The following CTNND2 variants were observed in gnomAD, a reference collection of about 807,000 sequenced individuals.
CTNND2 encodes the protein catenin delta 2, also known as catenin delta-2.
A neutral mutation model predicts 144.4 loss-of-function variants in CTNND2; 22 were observed. The observed-to-expected ratio is 0.15, with a 90% CI of 0.11 to 0.22. The LOEUF (loss-of-function observed/expected upper bound fraction) is 0.22, where lower values mean the gene tolerates loss of function less well. Among genes scored for constraint, CTNND2 ranks in the 10% least tolerant of loss-of-function variants. The pLI is 1.00. For synonymous variants in CTNND2, 751 were observed against 695.6 expected (o/e 1.08, Z -1.25); for missense variants, 1,353 against 1,618.8 (o/e 0.84, Z 2.82).
At chr5:11,004,703 G>A (rs1740296041) in intron 18 of CTNND2, among the ~76,000 whole-genome samples, 2 of 150,648 alleles carry the variant, frequency 1.3e-5, no homozygotes, top group African/African-American at 4.9e-5. Flanking sequence ...TTTTTGCAGA[G>A]GTTGCAGTAA....
chr5:11,066,684 T>G (rs1747647052), intron 16 of CTNND2, among the ~76,000 whole-genome samples: 1 of 152,162 alleles, frequency 6.6e-6, no homozygotes, highest in South Asian at 2.1e-4. Context: ...TCTTCAAATA[T>G]TCTGCAGAGT....
intron 2 of CTNND2, among the ~76,000 whole-genome samples, chr5:11,675,642 A>T (rs1350819873): frequency 6.6e-6 from 1 of 152,098 alleles, no homozygotes; most frequent in African/African-American, 2.4e-5. Context: ...ATGTAGCAAC[A>T]TTTTTTTGGA....
At chr5:11,736,903 G>T (rs1251879425) in intron 1 of CTNND2, among the ~76,000 whole-genome samples, 2 of 152,078 alleles carry the variant, frequency 1.3e-5, no homozygotes, top group Non-Finnish European at 2.9e-5. Context: ...CAAGGTTTTT[G>T]AATTTCTTGT....
intron 1 of CTNND2, among the ~76,000 whole-genome samples, chr5:11,737,401 T>C (rs186956247): frequency 6.6e-6 from 1 of 152,294 alleles, no homozygotes; most frequent in East Asian, 1.9e-4. Context: ...TTCCTACACA[T>C]AGTAGAATTA....
chr5:11,829,704 G>A (rs932923902), intron 1 of CTNND2, among the ~76,000 whole-genome samples: 2 of 152,222 alleles, frequency 1.3e-5, no homozygotes, highest in Non-Finnish European at 2.9e-5. Context: ...CAGTGCAGAA[G>A]GGAAATGTGG....
At chr5:11,788,982 T>C (rs1475607131) in intron 1 of CTNND2, among the ~76,000 whole-genome samples, 2 of 152,100 alleles carry the variant, frequency 1.3e-5, no homozygotes, top group African/African-American at 4.8e-5. Flanking sequence ...TCCAACTTCA[T>C]CCATGTCAAA....
At chr5:11,151,901 G>C (rs1163116902) in intron 12 of CTNND2, among the ~76,000 whole-genome samples, 1 of 152,090 alleles carries the variant, frequency 6.6e-6, no homozygotes, top group East Asian at 1.9e-4. Context: ...AAGAACTTTG[G>C]ACAATGATAC....
chr5:11,298,045 T>C (rs934326785), intron 9 of CTNND2, among the ~76,000 whole-genome samples: 2 of 152,200 alleles, frequency 1.3e-5, no homozygotes, highest in Non-Finnish European at 2.9e-5. Context: ...ATTTCAAAGT[T>C]AGTAAATTGT....
rs1236531609 is a variant in CTNND2, at chr5:11,492,503, ATATG to A, written c.287+72437_287+72440del. ...TCTCTTTCTACAGCTATATATATAT[ATATG>A]TGTGTGTGTGTGTGTGTGTGTGTGT... On this transcript the variant is annotated intron_variant, in intron 3 of 21. Coordinates refer to ENST00000304623, the MANE Select transcript of CTNND2 (RefSeq NM_001332.4). 7.0e-3 allele frequency among the ~76,000 whole-genome samples: 853 copies of A among 122,592 alleles called. 6 individuals carry two copies. The highest frequency in any genetic ancestry group is 0.021 in the African/African-American group (571 of 27,478). The allele number at this position is 122,592 out of a possible 152,430, so 80.4% of individuals were successfully genotyped here. A position where few individuals can be genotyped will look rare whatever the true frequency, so the allele number is the denominator to read the frequency against.
chr5:11,364,075 G>A (rs1756725451), intron 8 of CTNND2, among the ~76,000 whole-genome samples: 1 of 152,178 alleles, frequency 6.6e-6, no homozygotes, highest in African/African-American at 2.4e-5. Context: ...TCCAGATACT[G>A]GAAAACACTT....
chr5:11,373,898 CT>C (rs1757679938), intron 7 of CTNND2, among the ~76,000 whole-genome samples: 1 of 152,292 alleles, frequency 6.6e-6, no homozygotes, highest in African/African-American at 2.4e-5. Flanking sequence ...CTTTTTGCCC[CT>C]GGCATGCTAC....
chr5:11,255,643 G>A (rs27516), intron 9 of CTNND2, among the ~76,000 whole-genome samples: 1,594 of 152,192 alleles, frequency 0.01, 22 homozygotes, highest in African/African-American at 0.037. Context: ...GATGAAGGAA[G>A]GCACAGGCAC....
intron 1 of CTNND2, among the ~76,000 whole-genome samples, chr5:11,880,929 T>G (rs68135296): frequency 0.22 from 31,657 of 143,634 alleles, 3,468 homozygotes; most frequent in Non-Finnish European, 0.27. Flanking sequence ...CTACTACCAC[T>G]ACTACTGCTA....
Position 11,887,507 on chromosome 5 carries a change from C to A in CTNND2, c.37+16310G>T, listed in dbSNP as rs201847870. On this transcript the variant is annotated intron_variant, in intron 1 of 21. Coordinates refer to ENST00000304623, the MANE Select transcript of CTNND2 (RefSeq NM_001332.4). ...GAGATCTTTAAAAACTTTGAGCAAG[C>A]AAAAAAAAAAACTTCTAGTGTTAAA... Among the ~76,000 whole-genome samples, 1,086 of 141,542 alleles carry A rather than the reference C, an allele frequency of 7.7e-3. 23 individuals carry two copies. The highest frequency in any genetic ancestry group is 0.074 in the East Asian group (362 of 4,884). The allele number at this position is 141,542 out of a possible 152,430, so 92.9% of individuals were successfully genotyped here.
At chr5:11,594,476 G>A (rs1255171264) in intron 2 of CTNND2, among the ~76,000 whole-genome samples, 2 of 152,094 alleles carry the variant, frequency 1.3e-5, no homozygotes, top group African/African-American at 2.4e-5. Context: ...AAATGTTCTT[G>A]ATTTTAAAAA....
At chr5:11,123,519 G>T (rs950455591) in intron 12 of CTNND2, among the ~76,000 whole-genome samples, 3 of 152,194 alleles carry the variant, frequency 2.0e-5, no homozygotes. Context: ...CAACTGTTTC[G>T]AGGCTGAGAG....
chr5:11,883,040 T>G (rs961749233), intron 1 of CTNND2, among the ~76,000 whole-genome samples: 8 of 152,142 alleles, frequency 5.3e-5, no homozygotes, highest in African/African-American at 1.7e-4. Context: ...TTGTCAAATG[T>G]ATTCCTAAGA....
At chr5:11,838,307 A>G (rs16901921) in intron 1 of CTNND2, among the ~76,000 whole-genome samples, 1 of 152,072 alleles carries the variant, frequency 6.6e-6, no homozygotes, top group African/African-American at 2.4e-5. Flanking sequence ...GCGTTTTTAG[A>G]TTACCTTAGC....
chr5:11,445,648 A>C (rs1764732010), intron 3 of CTNND2, among the ~76,000 whole-genome samples: 2 of 152,230 alleles, frequency 1.3e-5, no homozygotes, highest in African/African-American at 4.8e-5. Context: ...GAACCAGCAG[A>C]AAAAACGTAC....
Sources: allele counts gnomAD v4.1 joint callset (sites outside exome capture counted in the v4.1 genomes callset), GRCh38; gene constraint gnomAD v4.1.1; transcripts MANE v1.5; gene names NCBI Gene and HGNC (gene_info 2026-07-23, HGNC 2026-07-21).